Variants in SUDS3 observed in about 807,000 individuals in gnomAD.
SUDS3 encodes SIN3A corepressor complex component SDS3, also known as sin3 histone deacetylase corepressor complex component SDS3.
A neutral mutation model predicts 53.5 loss-of-function variants in SUDS3; 23 were observed. The observed-to-expected ratio is 0.43, with a 90% confidence interval of 0.31 to 0.61. The LOEUF is 0.61. Ranked by LOEUF, SUDS3 falls within the 20% of genes least tolerant of loss-of-function variation. SUDS3 has a pLI of 0.10. For synonymous variants in SUDS3, 150 were observed against 148.5 expected, an observed-to-expected ratio of 1.01 and a Z score of -0.08; for missense variants, 291 against 405.9, an observed-to-expected ratio of 0.72 and a Z score of 2.43.
Position 118,396,513 on chromosome 12 carries a change from C to T in SUDS3, c.518-4146C>T, listed in dbSNP as rs116583059. 8.7e-4 allele frequency among the ~76,000 whole-genome samples: 133 copies of T among 152,304 alleles called. 1 individual carries two copies. The highest frequency in any genetic ancestry group is 3.0e-3 in the African/African-American group (124 of 41,552). On this transcript the variant is annotated intron_variant, in intron 6 of 11. Coordinates refer to ENST00000543473, the MANE Select transcript of SUDS3 (RefSeq NM_022491.3). ...AAGCAATCCACCCTCCTTGGCCCCC[C>T]CAAAGTGCTGGCATTACAGGCGTCA...
Position 118,386,188 on chromosome 12 carries a change from AAGGCTCC to A in SUDS3, c.340+4_340+10del, listed in dbSNP as rs2046112975. 6.3e-7 allele frequency: 1 copy of A among 1,593,370 alleles called. No individual in the cohort carries two copies. The highest frequency in any genetic ancestry group is 1.3e-5 in the African/African-American group (1 of 74,444). ...CAAAGAGAGGATACGGAATGCAGGTAAGGCTCCTTTAAATGGCAATGAATCATCTTTC... is the reference window on the plus strand; with the variant it reads ...CAAAGAGAGGATACGGAATGCAGGTATTTAAATGGCAATGAATCATCTTTC... On this transcript the variant is annotated splice_donor_5th_base_variant and intron_variant, in intron 4 of 11. Transcript: ENST00000543473.
intron 5 of SUDS3, among the ~76,000 whole-genome samples, 181 bp downstream of exon 5, chr12:118,390,127 C>G (rs112376761): frequency 2.3e-4 from 35 of 152,154 alleles, no homozygotes; most frequent in Non-Finnish European, 4.0e-4. Flanking sequence ...TTTGTTGTTG[C>G]GCAGCCTCTG....
At chr12:118,411,831 A>G (rs1382090753) in intron 11 of SUDS3, among the ~76,000 whole-genome samples, 1 of 152,078 alleles carries the variant, frequency 6.6e-6, no homozygotes, top group African/African-American at 2.4e-5. Context: ...GTAACCATCT[A>G]CTGAGAATGG....
chr12:118,386,799 C>T (rs1322350526), intron 4 of SUDS3, among the ~76,000 whole-genome samples: 3 of 152,004 alleles, frequency 2.0e-5, no homozygotes, highest in Non-Finnish European at 2.9e-5. Flanking sequence ...ACATGTATAA[C>T]GTGTAAAGTT....
At position 118,392,841 on chromosome 12, in the gene SUDS3, T is replaced by G. The variant is rs576956148; in HGVS notation, c.517+1559T>G. Among the ~76,000 whole-genome samples, 43 of 152,320 alleles carry G rather than the reference T, an allele frequency of 2.8e-4. 1 individual carries two copies. The South Asian group carries it at 7.7e-3, about 27-fold the overall frequency. On this transcript the variant is annotated intron_variant, in intron 6 of 11. Transcript: ENST00000543473. ...CGGGTATCATCACCTTACCTGTGAT[T>G]TGGCGTCCTAATTATTGACAAGCGA...
At chr12:118,403,047 C>T (rs540907589) in intron 9 of SUDS3, among the ~76,000 whole-genome samples, 11 of 152,292 alleles carry the variant, frequency 7.2e-5, no homozygotes, top group East Asian at 5.8e-4. Context: ...TGTGCGCCAC[C>T]GCACCCTGCT....
chr12:118,398,614 C>CTTTTTTT (rs375288763), intron 6 of SUDS3, among the ~76,000 whole-genome samples: 1 of 113,284 alleles, frequency 8.8e-6, no homozygotes, highest in Non-Finnish European at 1.7e-5. Flanking sequence ...ATGCAGAAGC[C>CTTTTTTT]TTTTTTTTTT....
At chr12:118,405,657 C>G (rs938976218) in intron 10 of SUDS3, among the ~76,000 whole-genome samples, 1 of 151,934 alleles carries the variant, frequency 6.6e-6, no homozygotes, top group African/African-American at 2.4e-5. Context: ...TCATTTTTGG[C>G]CTTGGCAGTC....
chr12:118,395,769 G>C (rs944039475), intron 6 of SUDS3, among the ~76,000 whole-genome samples: 2 of 152,014 alleles, frequency 1.3e-5, no homozygotes, highest in Non-Finnish European at 2.9e-5. Context: ...TTGGCTCACT[G>C]TACCCTCTGC....
chr12:118,388,490 T>G (rs2046134778), intron 4 of SUDS3, among the ~76,000 whole-genome samples: 1 of 152,016 alleles, frequency 6.6e-6, no homozygotes, highest in Non-Finnish European at 1.5e-5. Flanking sequence ...AAGTTGCGGG[T>G]TTGTAGACAG....
At position 118,380,197 on chromosome 12, in the gene SUDS3, CATG is replaced by C; in HGVS notation, c.183_185del (p.Asp61del). ...TGCTAGTGAAACTGACCTGGCAAAG[CATG>C]ATGAAGAAGACTATGTAGAAATGAA... On this transcript the variant is annotated inframe_deletion, in exon 2 of 12. Coordinates refer to ENST00000543473, the MANE Select transcript of SUDS3 (RefSeq NM_022491.3). 1 of 1,609,150 alleles carries C rather than the reference CATG, an allele frequency of 6.2e-7. No individual in the cohort carries two copies. The highest frequency in any genetic ancestry group is 8.5e-7 in the Non-Finnish European group (1 of 1,177,770).
At chr12:118,396,295 A>G (rs2046214770) in intron 6 of SUDS3, among the ~76,000 whole-genome samples, 1 of 152,126 alleles carries the variant, frequency 6.6e-6, no homozygotes, top group African/African-American at 2.4e-5. Context: ...TTGCTCTGCC[A>G]CCCAGGTTGG....
intron 6 of SUDS3, among the ~76,000 whole-genome samples, chr12:118,393,824 C>T (rs2046189719): frequency 6.6e-6 from 1 of 152,052 alleles, no homozygotes; most frequent in African/African-American, 2.4e-5. Flanking sequence ...GCATGCACCA[C>T]CACGCCCGGC....
chr12:118,406,598 A>G (rs180777527), intron 10 of SUDS3, among the ~76,000 whole-genome samples: 1 of 152,302 alleles, frequency 6.6e-6, no homozygotes, highest in African/African-American at 2.4e-5. Context: ...AATTTCCATT[A>G]GTTACAAAGT....
chr12:118,377,444 T>C (rs1238321050), intron 1 of SUDS3, among the ~76,000 whole-genome samples: 1 of 151,980 alleles, frequency 6.6e-6, no homozygotes, highest in Admixed American at 6.6e-5. Context: ...CTAGGGTCGG[T>C]ATAGGGATTA....
intron 10 of SUDS3, among the ~76,000 whole-genome samples, chr12:118,406,067 C>T (rs183869162): frequency 1.3e-5 from 2 of 152,328 alleles, no homozygotes; most frequent in African/African-American, 4.8e-5. Flanking sequence ...TGGTCTTATA[C>T]TGCTTTTAAG....
intron 1 of SUDS3, among the ~76,000 whole-genome samples, chr12:118,377,565 G>A (rs885349): frequency 0.027 from 3,972 of 149,340 alleles, 73 homozygotes; most frequent in Middle Eastern, 0.094. Context: ...TTGCTTAATG[G>A]TCCCCAGGTG....
chr12:118,406,789 T>TC (rs1213021827), intron 10 of SUDS3, among the ~76,000 whole-genome samples: 99 of 147,884 alleles, frequency 6.7e-4, no homozygotes, highest in East Asian at 2.4e-3. Flanking sequence ...TTAAATTTCT[T>TC]CCCCCCCCTT....
rs199843046 is a variant in SUDS3, at chr12:118,386,090, T to C, written c.269-24T>C. The C allele has an allele frequency of 1.7e-4, 265 of 1,536,790 alleles. 1 individual carries two copies. Among genetic ancestry groups the C allele is most frequent in the Non-Finnish European group, 2.3e-4 (259 of 1,128,564 alleles). ...AGCAGATTTATATTCACAATAATTT[T>C]ATTTTTCAAATGTTCAAAATCAGGT... is the stretch of plus-strand genomic sequence containing the variant. On this transcript the variant is annotated intron_variant, in intron 3 of 11. Transcript: ENST00000543473.
Sources: allele counts gnomAD v4.1 joint callset (sites outside exome capture counted in the v4.1 genomes callset), GRCh38; gene constraint gnomAD v4.1.1; transcripts MANE v1.5; gene names NCBI Gene and HGNC (gene_info 2026-07-23, HGNC 2026-07-21).